The following PRKAG2 variants were observed in gnomAD, a reference collection of about 807,000 sequenced individuals.
The protein encoded by PRKAG2 is protein kinase AMP-activated non-catalytic subunit gamma 2.
A neutral mutation model predicts 69.6 loss-of-function variants in PRKAG2; 26 were observed. That is an observed-to-expected ratio of 0.37 (90% CI 0.27 to 0.52). PRKAG2 has a LOEUF of 0.52. Among genes scored for constraint, PRKAG2 ranks in the 20% least tolerant of loss-of-function variants. The pLI is 0.90. For missense variants in PRKAG2, 557 were observed against 740.0 expected (o/e 0.75, Z 2.87); for synonymous variants, 293 against 285.0 (o/e 1.03, Z -0.28).
intron 5 of PRKAG2, among the ~76,000 whole-genome samples, chr7:151,596,742 G>A (rs1257341474): frequency 1.3e-5 from 2 of 150,314 alleles, no homozygotes; most frequent in African/African-American, 4.9e-5. Context: ...AAGTGAGACT[G>A]TCAAAAAAAT....
intron 5 of PRKAG2, among the ~76,000 whole-genome samples, chr7:151,609,914 C>T (rs1818373637): frequency 6.6e-6 from 1 of 152,228 alleles, no homozygotes; most frequent in South Asian, 2.1e-4. Flanking sequence ...ATCTGGGTGA[C>T]TGACTGCAGA....
chr7:151,658,044 C>G (rs1261757487), intron 4 of PRKAG2, among the ~76,000 whole-genome samples: 2 of 151,664 alleles, frequency 1.3e-5, no homozygotes, highest in African/African-American at 4.8e-5. Flanking sequence ...TGTAGTCCCA[C>G]CTACTCAGGA....
chr7:151,854,517 G>C lies in PRKAG2; in HGVS notation c.114+21990C>G, dbSNP rs534819662. ...ACAGGGAGGCATTTGGAGCGCCCGA[G>C]GATAGGGCTGTGTGACATCCCTGGC... is the stretch of plus-strand genomic sequence containing the variant. On this transcript the variant is annotated intron_variant, in intron 1 of 15. Transcript: ENST00000287878. Among the ~76,000 whole-genome samples, 376 of 152,360 alleles carry C rather than the reference G, an allele frequency of 2.5e-3. 1 individual carries two copies. The Middle Eastern group carries it at 0.031, about 12-fold the overall frequency.
At chr7:151,581,208 C>T (rs1050191749) in intron 6 of PRKAG2, among the ~76,000 whole-genome samples, 1 of 152,114 alleles carries the variant, frequency 6.6e-6, no homozygotes, top group Admixed American at 6.6e-5. Context: ...AAGTGAAAAA[C>T]GCATAGCAAA....
At chr7:151,844,128 G>A (rs971022089) in intron 1 of PRKAG2, among the ~76,000 whole-genome samples, 25 of 152,236 alleles carry the variant, frequency 1.6e-4, no homozygotes, top group Non-Finnish European at 3.1e-4. Flanking sequence ...GGTTGGGGAA[G>A]CCCTTGGGAA....
chr7:151,827,745 TAAAA>T (rs55685618), intron 1 of PRKAG2, among the ~76,000 whole-genome samples: 20 of 52,256 alleles, frequency 3.8e-4, no homozygotes, highest in South Asian at 1.1e-3. Flanking sequence ...TGGCCTTAGG[TAAAA>T]AAAAAAAAAA....
intron 3 of PRKAG2, among the ~76,000 whole-genome samples, chr7:151,732,580 C>T (rs956193539): frequency 1.3e-5 from 2 of 152,220 alleles, no homozygotes; most frequent in Non-Finnish European, 2.9e-5. Context: ...ATCGCAGAGC[C>T]AGCGGTTTTT....
At chr7:151,806,865 C>T (rs2078128500) in intron 1 of PRKAG2, 2 of 409,768 alleles carry the variant, frequency 4.9e-6, no homozygotes, top group South Asian at 1.8e-5. Flanking sequence ...ACTCAGGAGG[C>T]TGAGCCACGA....
chr7:151,571,202 G>A (rs1012028872), intron 9 of PRKAG2, among the ~76,000 whole-genome samples: 22 of 151,704 alleles, frequency 1.5e-4, no homozygotes, highest in African/African-American at 5.3e-4. Flanking sequence ...CTCCCGAGTA[G>A]CTGGGAGTAC....
At chr7:151,561,955 T>C (rs57023919) in intron 14 of PRKAG2, among the ~76,000 whole-genome samples, 50,761 of 126,064 alleles carry the variant, frequency 0.4, 10,695 homozygotes, top group African/African-American at 0.61. Context: ...AAAAAGGCTT[T>C]GGAACCTGGA....
At chr7:151,748,086 A>G (rs1586255119) in intron 3 of PRKAG2, among the ~76,000 whole-genome samples, 1 of 152,046 alleles carries the variant, frequency 6.6e-6, no homozygotes, top group Admixed American at 6.5e-5. Flanking sequence ...ACGCCTGGCT[A>G]ATTTTTGTAG....
At chr7:151,862,969 G>A (rs778882592) in intron 1 of PRKAG2, among the ~76,000 whole-genome samples, 9 of 150,236 alleles carry the variant, frequency 6.0e-5, no homozygotes, top group Non-Finnish European at 8.9e-5. Context: ...ATCTCCGGGT[G>A]CAGGGGGCAC....
Position 151,699,144 on chromosome 7 carries a change from TC to T in PRKAG2, c.467-23508del, listed in dbSNP as rs1837233198. 2.7e-5 allele frequency among the ~76,000 whole-genome samples: 4 copies of T among 149,910 alleles called. No individual in the cohort carries two copies. The South Asian group carries it at 8.4e-4, about 32-fold the overall frequency. On this transcript the variant is annotated intron_variant, in intron 3 of 15. Transcript: ENST00000287878. This position sits in a 1 kb window ranked among gnomAD's most constrained non-coding sequence, Gnocchi z 4.5. ...TTAGGCCACCTTTCCTTCTCTGACC[TC>T]TGTCCCCATCCCTGCCCCAAGTTGT...
At chr7:151,672,229 G>A (rs1832164834) in intron 4 of PRKAG2, among the ~76,000 whole-genome samples, 2 of 152,014 alleles carry the variant, frequency 1.3e-5, no homozygotes, top group African/African-American at 4.8e-5. Context: ...AGCCTCCCAA[G>A]TAGCTGGGAT....
At chr7:151,559,272 C>A in intron 15 of PRKAG2, 1 of 977,988 alleles carries the variant, frequency 1.0e-6, no homozygotes, top group Non-Finnish European at 1.2e-6. Context: ...ATGAATGTGA[C>A]ACAATTTATC....
chr7:151,605,432 T>A (rs956004421), intron 5 of PRKAG2, among the ~76,000 whole-genome samples: 14 of 152,068 alleles, frequency 9.2e-5, no homozygotes, highest in Admixed American at 2.0e-4. Flanking sequence ...CTTTAAAAAA[T>A]TTTTTTAAAT....
intron 5 of PRKAG2, among the ~76,000 whole-genome samples, chr7:151,631,189 A>G (rs960402381): frequency 6.6e-6 from 1 of 152,236 alleles, no homozygotes. Flanking sequence ...AGAAGTTGCT[A>G]AATAAATAAT....
At chr7:151,796,562 G>A (rs535145883) in intron 1 of PRKAG2, among the ~76,000 whole-genome samples, 114 of 152,252 alleles carry the variant, frequency 7.5e-4, no homozygotes, top group Non-Finnish European at 1.4e-3. Context: ...GGTAACAGTC[G>A]TGCAAGTGTC....
chr7:151,837,441 A>C (rs2151882421), intron 1 of PRKAG2: 1 of 152,490 alleles, frequency 6.6e-6, no homozygotes, highest in African/African-American at 2.4e-5. Context: ...CTGGGGGTGA[A>C]TCCGGGCGAC....
Sources: allele counts gnomAD v4.1 joint callset (sites outside exome capture counted in the v4.1 genomes callset), GRCh38; gene constraint gnomAD v4.1.1; non-coding constraint Gnocchi (gnomAD v3.1); transcripts MANE v1.5; gene names NCBI Gene and HGNC (gene_info 2026-07-23, HGNC 2026-07-21).